Variants in SND1 observed in about 807,000 individuals in gnomAD.
SND1 encodes staphylococcal nuclease and tudor domain containing 1.
Under a neutral mutation model 121.7 loss-of-function variants are expected in SND1, and 38 were observed. The observed-to-expected ratio is 0.31, with a 90% CI of 0.24 to 0.41. SND1 has a LOEUF of 0.41. SND1 is among the 10% of genes least tolerant of loss of function. The pLI is 1.00. For synonymous variants in SND1, 401 were observed against 447.4 expected (o/e 0.90, Z 1.31); for missense variants, 868 against 1,184.6 (o/e 0.73, Z 3.92).
chr7:127,808,694 C>G (rs1439881562), intron 11 of SND1, among the ~76,000 whole-genome samples: 2 of 152,208 alleles, frequency 1.3e-5, no homozygotes, highest in African/African-American at 4.8e-5. Flanking sequence ...AGAATAGGTT[C>G]ATCTGTCATT....
chr7:127,977,747 A>G (rs144429581), intron 15 of SND1, among the ~76,000 whole-genome samples: 1 of 152,330 alleles, frequency 6.6e-6, no homozygotes, highest in East Asian at 1.9e-4. Flanking sequence ...AAGTGACAAG[A>G]GCCTGACAAA....
At chr7:128,062,644 T>C (rs533227583) in intron 16 of SND1, among the ~76,000 whole-genome samples, 1 of 152,350 alleles carries the variant, frequency 6.6e-6, no homozygotes, top group South Asian at 2.1e-4. Flanking sequence ...TGCCTTCTTC[T>C]GGCCTGCAAG....
chr7:128,068,230 A>G (rs1793350973), intron 16 of SND1, among the ~76,000 whole-genome samples: 1 of 151,414 alleles, frequency 6.6e-6, no homozygotes, highest in Non-Finnish European at 1.5e-5. Flanking sequence ...CACTTACCAC[A>G]TGCATGCACA....
intron 9 of SND1, among the ~76,000 whole-genome samples, chr7:127,718,098 T>G (rs911859878): frequency 2.6e-5 from 4 of 152,200 alleles, no homozygotes; most frequent in Non-Finnish European, 4.4e-5. Context: ...AGTGCATGTA[T>G]TTGAGTCCAG....
chr7:127,887,768 A>G (rs1404191792), intron 12 of SND1, 134 bp from the exon 13 acceptor site: 1 of 569,990 alleles, frequency 1.8e-6, no homozygotes, highest in East Asian at 3.0e-5. Flanking sequence ...AGCAACTCAT[A>G]GGTCTTGAAA....
At chr7:127,862,056 G>C (rs1359618862) in intron 12 of SND1, among the ~76,000 whole-genome samples, 1 of 152,148 alleles carries the variant, frequency 6.6e-6, no homozygotes, top group Non-Finnish European at 1.5e-5. Flanking sequence ...ACCTTCTGCA[G>C]TTTAGCTTTG....
Position 127,657,629 on chromosome 7 carries a change from A to G in SND1, c.78+5178A>G, listed in dbSNP as rs144327969. Among the ~76,000 whole-genome samples the G allele has an allele frequency of 3.9e-3, 590 of 152,046 alleles. 8 individuals are homozygous for G. The highest frequency in any genetic ancestry group is 0.014 in the African/African-American group (560 of 41,442). On this transcript the variant is annotated intron_variant, in intron 1 of 23. Coordinates refer to ENST00000354725, the MANE Select transcript of SND1 (RefSeq NM_014390.4). ...TGCCTCAGCCTCCTCCTGAGTAGCT[A>G]GGACTACAGGTGCGTGCTACCACAC...
At chr7:127,706,512 C>A (rs1188322021) in intron 8 of SND1, among the ~76,000 whole-genome samples, 1 of 152,098 alleles carries the variant, frequency 6.6e-6, no homozygotes, top group Non-Finnish European at 1.5e-5. Context: ...CCCGCCTTGG[C>A]CTCCCAAAGT....
chr7:127,699,251 C>T (rs1010654921), intron 4 of SND1, among the ~76,000 whole-genome samples: 1 of 152,148 alleles, frequency 6.6e-6, no homozygotes, highest in South Asian at 2.1e-4. Context: ...GTCTGTCTAG[C>T]GAGTCCCAAA....
intron 16 of SND1, among the ~76,000 whole-genome samples, chr7:128,056,928 G>C (rs1793152968): frequency 6.6e-6 from 1 of 152,150 alleles, no homozygotes; most frequent in Non-Finnish European, 1.5e-5. Flanking sequence ...TTGAACACAA[G>C]TACTGTAATT....
chr7:127,718,077 G>C (rs1221817140), intron 9 of SND1, among the ~76,000 whole-genome samples: 2 of 152,072 alleles, frequency 1.3e-5, no homozygotes, highest in Non-Finnish European at 2.9e-5. Flanking sequence ...AATGGGGAGG[G>C]AATTGGATTT....
At chr7:127,745,668 A>G (rs1297615030) in intron 10 of SND1, among the ~76,000 whole-genome samples, 2 of 152,192 alleles carry the variant, frequency 1.3e-5, no homozygotes. Context: ...GTGTGAGGTT[A>G]TGACTGGTAC....
In SND1 at chr7:127,921,153, A is replaced by C. The variant is rs189512564; in HGVS notation, c.1528-8035A>C. 3.9e-5 allele frequency among the ~76,000 whole-genome samples: 6 copies of C among 152,344 alleles called. No individual in the cohort carries two copies. The East Asian group carries it at 9.6e-4, about 24-fold the overall frequency. ...TTCAAGGTAGAAAAGAAATGTCAGT[A>C]GGCATAAGTACTTAGTAGAACTTTT... On this transcript the variant is annotated intron_variant, in intron 14 of 23. Coordinates refer to ENST00000354725, the MANE Select transcript of SND1 (RefSeq NM_014390.4).
At position 127,692,561 on chromosome 7, in the gene SND1, A is replaced by G. The variant is rs538839069; in HGVS notation, c.229-2267A>G. On this transcript the variant is annotated intron_variant, in intron 2 of 23. Transcript: ENST00000354725. Reference sequence around the variant, plus strand: ...CATGGGTAACACTGGCCTCACTTCCATAAGGGTTCTGTCCCAGAGCACTCT... The same window carrying G: ...CATGGGTAACACTGGCCTCACTTCCGTAAGGGTTCTGTCCCAGAGCACTCT... 3.9e-5 allele frequency: 6 copies of G among 152,348 alleles called. No individual in the cohort carries two copies. In the East Asian group the frequency reaches 1.2e-3, roughly 29 times the overall value. The allele number at this position is 152,348 out of a possible 1,614,324, so 9.4% of individuals were successfully genotyped here.
chr7:127,917,962 C>T (rs1363633800), intron 14 of SND1, among the ~76,000 whole-genome samples: 1 of 152,042 alleles, frequency 6.6e-6, no homozygotes, highest in Non-Finnish European at 1.5e-5. Context: ...ATGTTGAATG[C>T]TGACACTTAC....
At chr7:127,944,222 T>G (rs1375847805) in intron 15 of SND1, among the ~76,000 whole-genome samples, 1 of 152,228 alleles carries the variant, frequency 6.6e-6, no homozygotes. Flanking sequence ...CCAGCGTGTC[T>G]CTAACCTAAG....
intron 10 of SND1, among the ~76,000 whole-genome samples, chr7:127,759,745 A>G (rs186589233): frequency 1.3e-5 from 2 of 152,296 alleles, no homozygotes; most frequent in East Asian, 3.9e-4. Context: ...TGCAAACCAT[A>G]TATCCACACC....
chr7:127,898,928 A>T (rs1800170905), intron 13 of SND1, among the ~76,000 whole-genome samples: 3 of 152,080 alleles, frequency 2.0e-5, no homozygotes, highest in Admixed American at 2.0e-4. Context: ...AGATCATGAA[A>T]CTGTGTATCT....
intron 14 of SND1, among the ~76,000 whole-genome samples, chr7:127,917,030 G>A (rs917304654): frequency 2.0e-5 from 3 of 152,224 alleles, no homozygotes; most frequent in African/African-American, 7.2e-5. Context: ...TGACAATGAT[G>A]TGAGATCCTT....
Sources: gnomAD v4.1 joint callset for allele counts (sites outside exome capture counted in the v4.1 genomes callset) on GRCh38, gnomAD v4.1.1 for gene constraint, MANE v1.5 for transcripts, NCBI Gene and HGNC (gene_info 2026-07-23, HGNC 2026-07-21) for gene names.